ASAP1: variants seen among roughly 807,000 people sequenced by gnomAD.
ASAP1 encodes ArfGAP with SH3 domain, ankyrin repeat and PH domain 1.
Under a neutral mutation model 145.2 loss-of-function variants are expected in ASAP1, and 43 were observed. The observed-to-expected ratio is 0.30, with a 90% CI of 0.23 to 0.38. The LOEUF is 0.38. Ranked by LOEUF, ASAP1 falls within the 10% of genes least tolerant of loss-of-function variation. The probability of loss-of-function intolerance (pLI) is 1.00; values close to 1 mark genes in which losing one functional copy is unlikely to be tolerated. For synonymous variants in ASAP1, 546 were observed against 515.5 expected, an observed-to-expected ratio of 1.06 and a Z score of -0.80; for missense variants, 1,018 against 1,355.3, an observed-to-expected ratio of 0.75 and a Z score of 3.91.
intron 2 of ASAP1, among the ~76,000 whole-genome samples, chr8:130,359,020 C>A (rs1024126564): frequency 6.6e-6 from 1 of 152,102 alleles, no homozygotes; most frequent in Non-Finnish European, 1.5e-5. Flanking sequence ...GCGAAGGAAG[C>A]GCTGGGCGCA....
intron 27 of ASAP1, 27 bp downstream of exon 27, chr8:130,076,321 T>C (rs143080840): frequency 2.2e-5 from 35 of 1,577,536 alleles, no homozygotes; most frequent in Middle Eastern, 3.4e-4. Flanking sequence ...TTTAATTACA[T>C]GTAAATGTAA....
intron 5 of ASAP1, among the ~76,000 whole-genome samples, chr8:130,196,116 C>A (rs911414277): frequency 6.6e-6 from 1 of 152,134 alleles, no homozygotes; most frequent in Non-Finnish European, 1.5e-5. Context: ...CCGAGGCAGG[C>A]GGATCACCTG....
intron 16 of ASAP1, 34 bp from the exon 17 acceptor site, chr8:130,126,123 A>G (rs1207800832): frequency 1.9e-6 from 3 of 1,583,876 alleles, no homozygotes; most frequent in Admixed American, 3.8e-5. Context: ...ATGAAACAAA[A>G]AAGACATCTA....
At chr8:130,357,477 G>C (rs1826394266) in intron 3 of ASAP1, among the ~76,000 whole-genome samples, 1 of 152,272 alleles carries the variant, frequency 6.6e-6, no homozygotes, top group Admixed American at 6.5e-5. Flanking sequence ...CTAACAGGGA[G>C]GACTCCTGGA....
intron 1 of ASAP1, among the ~76,000 whole-genome samples, chr8:130,412,922 G>A (rs943119543): frequency 1.2e-4 from 19 of 152,308 alleles, no homozygotes; most frequent in Admixed American, 3.9e-4. Context: ...AGGATTACAG[G>A]AGTGAGCCAC....
chr8:130,365,776 G>A (rs898550951), intron 2 of ASAP1, among the ~76,000 whole-genome samples: 3 of 152,188 alleles, frequency 2.0e-5, no homozygotes, highest in Non-Finnish European at 2.9e-5. Flanking sequence ...AAAGTGCCAA[G>A]TGTTTAAGAG....
chr8:130,420,683 C>G (rs1210299955), intron 1 of ASAP1, among the ~76,000 whole-genome samples: 1 of 152,022 alleles, frequency 6.6e-6, no homozygotes, highest in African/African-American at 2.4e-5. Flanking sequence ...CACCTGAGGT[C>G]AGGAGTTCGA....
At chr8:130,137,504 GA>G (rs2097597776) in intron 13 of ASAP1, among the ~76,000 whole-genome samples, 1 of 152,142 alleles carries the variant, frequency 6.6e-6, no homozygotes, top group Non-Finnish European at 1.5e-5. Flanking sequence ...ATCTTACTAT[GA>G]AATGTAGCTG....
chr8:130,387,134 A>T (rs1416292834), intron 2 of ASAP1, among the ~76,000 whole-genome samples: 1 of 152,222 alleles, frequency 6.6e-6, no homozygotes, highest in Non-Finnish European at 1.5e-5. Context: ...CTTTCATATG[A>T]ATTGGGTATC....
intron 18 of ASAP1, among the ~76,000 whole-genome samples, chr8:130,123,201 A>T (rs1001549790): frequency 2.0e-5 from 3 of 152,164 alleles, no homozygotes; most frequent in Non-Finnish European, 4.4e-5. Context: ...CAGGAGTGGG[A>T]CTGCTGAGTC....
Position 130,420,632 on chromosome 8 carries a change from A to C in ASAP1, c.-27-18662T>G, listed in dbSNP as rs1330290816. Among the ~76,000 whole-genome samples the C allele has an allele frequency of 2.6e-5, 4 of 152,048 alleles. No homozygotes were observed. In the East Asian group the frequency reaches 7.7e-4, roughly 29 times the overall value. On this transcript the variant is annotated intron_variant, in intron 1 of 29. Transcript: ENST00000518721. ...ACTGAGGCCAGGTGCGGTGGCTCAC[A>C]CCTGTAATCCCAGCACTGTGGGAGG... is the stretch of plus-strand genomic sequence containing the variant.
chr8:130,136,854 G>T, intron 14 of ASAP1, 97 bp downstream of exon 14: 1 of 1,018,636 alleles, frequency 9.8e-7, no homozygotes, highest in Non-Finnish European at 1.6e-6. Context: ...TGCCAACTGT[G>T]AGGAGCCCTG....
intron 3 of ASAP1, among the ~76,000 whole-genome samples, chr8:130,260,123 A>T (rs78928123): frequency 0.026 from 4,007 of 152,318 alleles, 62 homozygotes; most frequent in Middle Eastern, 0.044. Context: ...TCCATTCAGT[A>T]GTTATTCCCA....
chr8:130,163,495 G>A (rs1480155698), intron 11 of ASAP1, among the ~76,000 whole-genome samples: 2 of 152,196 alleles, frequency 1.3e-5, no homozygotes, highest in East Asian at 1.9e-4. Context: ...GAGCAGAAAG[G>A]AAGCAGTATG....
intron 2 of ASAP1, among the ~76,000 whole-genome samples, chr8:130,371,357 T>C (rs1236986433): frequency 6.6e-6 from 1 of 152,158 alleles, no homozygotes; most frequent in African/African-American, 2.4e-5. Context: ...TAAACCGCAC[T>C]CTCTGTACAA....
Position 130,052,839 on chromosome 8 carries a change from T to C in ASAP1, c.*1892A>G, listed in dbSNP as rs1200650535. On this transcript the variant is annotated 3_prime_UTR_variant, in exon 30 of 30. Coordinates refer to ENST00000518721, the MANE Select transcript of ASAP1 (RefSeq NM_018482.4). ...TTTAATGCAAGTTAAAATGTGTAAA[T>C]GAATGACCGGGACACTGAGCAACCT... The C allele has an allele frequency of 6.7e-6, 1 of 148,668 alleles. No homozygotes were observed. The highest frequency in any genetic ancestry group is 6.9e-5 in the Admixed American group (1 of 14,418). The allele number at this position is 148,668 out of a possible 1,614,324, so 9.2% of individuals were successfully genotyped here.
chr8:130,283,644 C>T (rs1586751179), intron 3 of ASAP1, among the ~76,000 whole-genome samples: 1 of 144,804 alleles, frequency 6.9e-6, no homozygotes, highest in South Asian at 2.2e-4. Context: ...CTAAAGAAGG[C>T]CAAACAAAGG....
chr8:130,154,010 A>G (rs2097652982), intron 12 of ASAP1, among the ~76,000 whole-genome samples: 1 of 152,352 alleles, frequency 6.6e-6, no homozygotes, highest in South Asian at 2.1e-4. Context: ...CCTGGACAAC[A>G]TAGGGAAATC....
chr8:130,400,504 G>A lies in ASAP1; in HGVS notation c.59+1381C>T, dbSNP rs532399686. 2.0e-5 allele frequency among the ~76,000 whole-genome samples: 3 copies of A among 151,716 alleles called. No individual in the cohort carries two copies. The East Asian group carries it at 5.8e-4, about 29-fold the overall frequency. ...AACGTGGCATAGGAAAAAAAAAAAG[G>A]CCAGGTGGGCACGGTGGCTCACGCC... is the stretch of plus-strand genomic sequence containing the variant. On this transcript the variant is annotated intron_variant, in intron 2 of 29. Transcript: ENST00000518721.
Sources: allele counts gnomAD v4.1 joint callset (sites outside exome capture counted in the v4.1 genomes callset), GRCh38; gene constraint gnomAD v4.1.1; transcripts MANE v1.5; gene names NCBI Gene and HGNC (gene_info 2026-07-23, HGNC 2026-07-21).